ZNF560: variants seen among roughly 807,000 people sequenced by gnomAD.
ZNF560 encodes zinc finger protein 560.
ZNF560 carries 54 observed loss-of-function variants against 81.8 expected under a neutral mutation model. That is an observed-to-expected ratio of 0.66 (90% CI 0.53 to 0.83). The LOEUF (loss-of-function observed/expected upper bound fraction) is 0.83, where lower values mean the gene tolerates loss of function less well. Ranked by LOEUF, ZNF560 falls within the 40% of genes least tolerant of loss-of-function variation. The pLI is 0.00. For missense variants in ZNF560, 940 were observed against 932.4 expected (o/e 1.01, Z -0.11); for synonymous variants, 321 against 317.9 (o/e 1.01, Z -0.10).
At chr19:9,472,104 C>T (rs1217222324) in intron 5 of ZNF560, among the ~76,000 whole-genome samples, 1 of 117,496 alleles carries the variant, frequency 8.5e-6, no homozygotes. Context: ...AGTGAGACTC[C>T]GTCTCAAAAA....
Position 9,466,773 on chromosome 19 carries a change from G to C in ZNF560, c.2174C>G (p.Ser725Ter). Residue 725 changes from serine to a stop codon, truncating the protein, a stop_gained, in exon 10 of 10, where the codon TCA becomes TGA. Transcript: ENST00000301480. LOFTEE classifies it high-confidence loss of function. ...AATTCGCACATGATTAGTAAGATCT[G>C]AATGACAAGTGAAGGCTTTCCCACA... ...KDCGKAFTCHSDLTNHVRIHT... is the reference protein window; with the variant it reads ...KDCGKAFTCH The C allele has an allele frequency of 6.2e-7, 1 of 1,614,118 alleles. No homozygotes were observed. Among genetic ancestry groups the C allele is most frequent in the Non-Finnish European group, 8.5e-7 (1 of 1,180,004 alleles).
At chr19:9,463,611 G>A (rs771104758), downstream of ZNF560, among the ~76,000 whole-genome samples, 8 of 152,184 alleles carry the variant, frequency 5.3e-5, no homozygotes, top group Non-Finnish European at 1.0e-4. Flanking sequence ...TACCACAAGA[G>A]AACCACTCTG....
the ZNF560 span, among the ~76,000 whole-genome samples, chr19:9,451,481 G>A: frequency 6.6e-6 from 1 of 152,108 alleles, no homozygotes; most frequent in Non-Finnish European, 1.5e-5. Context: ...ATGGATTAAA[G>A]ACTTAAATGT....
intron 2 of ZNF560, among the ~76,000 whole-genome samples, chr19:9,494,924 A>AAAACAAAC (rs199583033): frequency 1.7e-4 from 26 of 151,798 alleles, no homozygotes; most frequent in African/African-American, 5.3e-4. Context: ...ACAAACAAAC[A>AAAACAAAC]AAACAAACAA....
intron 2 of ZNF560, among the ~76,000 whole-genome samples, chr19:9,496,710 G>A (rs1291038841): frequency 6.6e-6 from 1 of 151,724 alleles, no homozygotes; most frequent in East Asian, 2.0e-4. Flanking sequence ...GGCTGAGGCA[G>A]GCGGATCACG....
At position 9,467,281 on chromosome 19, in the gene ZNF560, A is replaced by C; in HGVS notation, c.1666T>G (p.Cys556Gly). The change falls in exon 10 of 10, where the codon TGC becomes GGC. Residue 556 changes from cysteine (C) to glycine (G), a missense_variant. Physicochemically the swap from Cys to Gly is radical, Grantham distance 159 (BLOSUM62 -3). Coordinates refer to ENST00000301480, the MANE Select transcript of ZNF560 (RefSeq NM_152476.3). ...CKKCGKAFTK[C>G]SYLTKHLRTH... is the part of the protein sequence containing the mutation. ...CGTAAATGTTTGGTAAGATATGAGC[A>C]CTTAGTGAAAGCTTTACCACATTTC... The C allele has an allele frequency of 6.2e-7, 1 of 1,614,100 alleles. No homozygotes were observed.
rs2073062622 is a variant in ZNF560, at chr19:9,468,164, T to C, written c.783A>G (p.Ile261Met). The C allele has an allele frequency of 6.2e-7, 1 of 1,613,950 alleles. No individual in the cohort carries two copies. Among genetic ancestry groups the C allele is most frequent in the African/African-American group, 1.3e-5 (1 of 74,924 alleles). The change falls in exon 10 of 10, where the codon ATA (isoleucine) becomes ATG (methionine). Residue 261 changes from isoleucine (I) to methionine (M), a missense_variant. Transcript: ENST00000301480. ...GCTTACTGAACACAGAAACTTTCCT[T>C]ATGGTAGAGGTTTTATTGTATAGAG... ...LLSLYNKTST[I>M]RKVSVFSKHG...
intron 2 of ZNF560, among the ~76,000 whole-genome samples, chr19:9,492,763 T>G (rs2073492710): frequency 6.6e-6 from 1 of 152,150 alleles, no homozygotes; most frequent in Non-Finnish European, 1.5e-5. Flanking sequence ...TACTACTATC[T>G]CACCACAGTC....
At chr19:9,472,088 G>A (rs190281487) in intron 5 of ZNF560, among the ~76,000 whole-genome samples, 18 of 150,978 alleles carry the variant, frequency 1.2e-4, no homozygotes, top group Non-Finnish European at 1.5e-4. Flanking sequence ...CCAGCCTGGG[G>A]GACAGAGTGA....
Position 9,466,484 on chromosome 19 carries a change from T to TAA in ZNF560, c.*89_*90insTT. ...CTCACATTCCTTACATTGATAGTGT[T>TAA]ACTTTCTCCTGTGAATTTTTACATG... On this transcript the variant is annotated 3_prime_UTR_variant, in exon 10 of 10. Coordinates refer to ENST00000301480, the MANE Select transcript of ZNF560 (RefSeq NM_152476.3). 1 of 1,221,664 alleles carries TAA rather than the reference T, an allele frequency of 8.2e-7. No homozygotes were observed. The highest frequency in any genetic ancestry group is 1.2e-6 in the Non-Finnish European group (1 of 868,746). 75.7% of individuals were successfully genotyped at this position (1,221,664 alleles called of 1,614,324 possible). A position where few individuals can be genotyped will look rare whatever the true frequency, so the allele number is the denominator to read the frequency against.
intron 2 of ZNF560, among the ~76,000 whole-genome samples, chr19:9,477,194 C>CATACATATGTGCATATACATATATACAT (rs1193317124): frequency 6.6e-6 from 1 of 152,062 alleles, no homozygotes; most frequent in African/African-American, 2.4e-5. Context: ...TATATATACA[C>CATACATATGTGCATATACATATATACAT]ATACATATGT....
upstream of ZNF560, among the ~76,000 whole-genome samples, chr19:9,502,906 G>T (rs891990280): frequency 2.0e-5 from 3 of 152,024 alleles, no homozygotes; most frequent in Non-Finnish European, 4.4e-5. Context: ...GTAACTTTTA[G>T]TTTCATTGAT....
intron 2 of ZNF560, among the ~76,000 whole-genome samples, chr19:9,489,981 T>C (rs1393213734): frequency 1.3e-5 from 2 of 152,204 alleles, no homozygotes; most frequent in African/African-American, 2.4e-5. Flanking sequence ...TAATGGACCA[T>C]GGCATGATTC....
chr19:9,483,391 C>A (rs1486135030), intron 2 of ZNF560, among the ~76,000 whole-genome samples: 1 of 147,656 alleles, frequency 6.8e-6, no homozygotes, highest in Admixed American at 6.7e-5. Flanking sequence ...GCCCAGCAGC[C>A]GCCCCGTCTG....
chr19:9,478,504 A>G (rs1357401564), intron 2 of ZNF560, among the ~76,000 whole-genome samples: 1 of 152,226 alleles, frequency 6.6e-6, no homozygotes, highest in Non-Finnish European at 1.5e-5. Context: ...AGAATACTCA[A>G]ACACTGTAAT....
intron 2 of ZNF560, among the ~76,000 whole-genome samples, chr19:9,486,094 G>A: frequency 6.6e-6 from 1 of 152,164 alleles, no homozygotes. Flanking sequence ...TCTATTGCCA[G>A]GGTCCCTTCT....
rs1172470361 is a variant in ZNF560, at chr19:9,467,725, C to T, written c.1222G>A (p.Glu408Lys). Reference sequence around the variant, plus strand: ...GATGTACCAAAGGCTTTACCACATTCCTTACACCCATAGGGCTTCTCTCCA... The same window carrying T: ...GATGTACCAAAGGCTTTACCACATTTCTTACACCCATAGGGCTTCTCTCCA... ...HTGEKPYGCK[E>K]CGKAFGTSAG... The change falls in exon 10 of 10, where the codon GAA becomes AAA. Residue 408 changes from glutamate to lysine, a missense_variant. Glu to Lys is a moderately conservative substitution (Grantham distance 56). Coordinates refer to ENST00000301480, the MANE Select transcript of ZNF560 (RefSeq NM_152476.3). 2.5e-6 allele frequency: 4 copies of T among 1,613,480 alleles called. No individual in the cohort carries two copies. The African/African-American group carries it at 5.4e-5, about 22-fold the overall frequency.
At position 9,466,990 on chromosome 19, in the gene ZNF560, A is replaced by C. The variant is rs763346542; in HGVS notation, c.1957T>G (p.Tyr653Asp). The change falls in exon 10 of 10, where the codon TAT becomes GAT. Residue 653 changes from tyrosine (Y) to aspartate (D), a missense_variant. By Grantham distance (160) the Tyr-to-Asp change is radical. Transcript: ENST00000301480. ...CATGCATTACATTTATAGGGTTTATATCCAGTGTGAGTTCTTAAATGATCA... is the reference window on the plus strand; with the variant it reads ...CATGCATTACATTTATAGGGTTTATCTCCAGTGTGAGTTCTTAAATGATCA... Reference protein sequence around the residue: ...LVDHLRTHTGYKPYKCNACEK... With the variant: ...LVDHLRTHTGDKPYKCNACEK... 12 of 1,613,342 alleles carry C rather than the reference A, an allele frequency of 7.4e-6. No homozygotes were observed. In the South Asian group the frequency reaches 1.3e-4, roughly 18 times the overall value.
chr19:9,483,356 C>T (rs1383338355), intron 2 of ZNF560, among the ~76,000 whole-genome samples: 9 of 150,586 alleles, frequency 6.0e-5, no homozygotes, highest in South Asian at 2.1e-4. Context: ...CCAGCCGCCC[C>T]GTCTGAGAAG....
Sources: gnomAD v4.1 joint callset for allele counts (sites outside exome capture counted in the v4.1 genomes callset) on GRCh38, gnomAD v4.1.1 for gene constraint, MANE v1.5 for transcripts, NCBI Gene and HGNC (gene_info 2026-07-23, HGNC 2026-07-21) for gene names.